The following MTHFD1L variants were observed in gnomAD, a reference collection of about 807,000 sequenced individuals.
MTHFD1L encodes the protein methylenetetrahydrofolate dehydrogenase (NADP+ dependent) 1 like, also known as monofunctional C1-tetrahydrofolate synthase, mitochondrial.
MTHFD1L carries 81 observed loss-of-function variants against 119.5 expected under a neutral mutation model. The observed-to-expected ratio is 0.68, with a 90% confidence interval of 0.57 to 0.82. The LOEUF (loss-of-function observed/expected upper bound fraction) is 0.82. MTHFD1L is among the 40% of genes least tolerant of loss of function. The probability of loss-of-function intolerance (pLI) is 0.00; values close to 1 mark genes in which losing one functional copy is unlikely to be tolerated. For synonymous variants in MTHFD1L, 430 were observed against 475.2 expected, an observed-to-expected ratio of 0.90 and a Z score of 1.24; for missense variants, 1,125 against 1,253.4, an observed-to-expected ratio of 0.90 and a Z score of 1.55.
chr6:150,932,005 T>G (rs1791121652), intron 11 of MTHFD1L, among the ~76,000 whole-genome samples: 1 of 151,294 alleles, frequency 6.6e-6, no homozygotes, highest in African/African-American at 2.4e-5. Flanking sequence ...CTATTAAAAA[T>G]ACAAAAATTA....
At chr6:151,013,700 T>G in intron 21 of MTHFD1L, 79 bp from the exon 22 acceptor site, 1 of 1,280,162 alleles carries the variant, frequency 7.8e-7, no homozygotes, top group Non-Finnish European at 1.1e-6. Flanking sequence ...TTGAATGTGA[T>G]TATGTTGTTC....
At chr6:150,911,203 G>A (rs1436045412) in intron 8 of MTHFD1L, among the ~76,000 whole-genome samples, 5 of 152,112 alleles carry the variant, frequency 3.3e-5, no homozygotes, top group African/African-American at 4.8e-5. Context: ...ATGCAGCACT[G>A]TATAAATTTC....
At chr6:151,084,275 G>A (rs377046443) in intron 26 of MTHFD1L, among the ~76,000 whole-genome samples, 3 of 152,294 alleles carry the variant, frequency 2.0e-5, no homozygotes, top group South Asian at 4.1e-4. Flanking sequence ...TATTTGGCCC[G>A]GAACTGCTCA....
At chr6:150,966,561 G>A (rs573751448) in intron 19 of MTHFD1L, among the ~76,000 whole-genome samples, 20 of 152,272 alleles carry the variant, frequency 1.3e-4, no homozygotes, top group Non-Finnish European at 2.6e-4. Context: ...GGTGGCTCAA[G>A]CCTGTAATCC....
At chr6:150,883,310 C>T (rs924388213) in intron 5 of MTHFD1L, among the ~76,000 whole-genome samples, 34 of 152,294 alleles carry the variant, frequency 2.2e-4, no homozygotes, top group African/African-American at 7.7e-4. Flanking sequence ...GGATTACAGG[C>T]GTGAGCCACC....
chr6:150,934,204 CATCT>C (rs1791658834), intron 11 of MTHFD1L, among the ~76,000 whole-genome samples: 1 of 152,220 alleles, frequency 6.6e-6, no homozygotes, highest in African/African-American at 2.4e-5. Flanking sequence ...TCAGTTTCCT[CATCT>C]ATCAAGTGAG....
intron 26 of MTHFD1L, among the ~76,000 whole-genome samples, chr6:151,070,854 A>G (rs374168643): frequency 2.4e-4 from 36 of 152,290 alleles, no homozygotes; most frequent in African/African-American, 6.7e-4. Flanking sequence ...ATTGGGAACT[A>G]TTTTCCCAGT....
chr6:150,976,496 G>A (rs4869707), intron 20 of MTHFD1L, among the ~76,000 whole-genome samples: 4,209 of 152,292 alleles, frequency 0.028, 206 homozygotes, highest in Admixed American at 0.14. Flanking sequence ...TTCTACAGAA[G>A]TTAAATAGAG....
At chr6:150,915,642 C>T (rs1313459393) in intron 8 of MTHFD1L, among the ~76,000 whole-genome samples, 3 of 151,796 alleles carry the variant, frequency 2.0e-5, no homozygotes, top group Non-Finnish European at 4.4e-5. Flanking sequence ...ACTCTGTTGC[C>T]CAGGGTGGAG....
rs531416537 is a variant in MTHFD1L at position 150,955,290 on chromosome 6, A to G, written c.1727-705A>G. Among the ~76,000 whole-genome samples, 5 of 152,122 alleles carry G rather than the reference A, an allele frequency of 3.3e-5. No individual in the cohort carries two copies. The South Asian group carries it at 1.0e-3, about 31-fold the overall frequency. The stretch of plus-strand genomic sequence containing the variant: ...ACTATGCACCATGTTTTCAACATCC[A>G]TTCATGTATCAACATGACCTTCTTT... On this transcript the variant is annotated intron_variant, in intron 16 of 27. Transcript: ENST00000367321.
At chr6:150,973,128 C>T (rs752655481) in intron 20 of MTHFD1L, among the ~76,000 whole-genome samples, 3 of 152,230 alleles carry the variant, frequency 2.0e-5, no homozygotes, top group Non-Finnish European at 4.4e-5. Context: ...TACCTATAAT[C>T]GGAGACAGCA....
chr6:150,953,261 G>C (rs1795107447), intron 16 of MTHFD1L, among the ~76,000 whole-genome samples: 1 of 152,198 alleles, frequency 6.6e-6, no homozygotes, highest in Non-Finnish European at 1.5e-5. Context: ...CAGCCATTAG[G>C]CATACTGTGG....
At chr6:150,949,008 C>A in intron 15 of MTHFD1L, 23 bp from the exon 16 acceptor site, 1 of 1,588,172 alleles carries the variant, frequency 6.3e-7, no homozygotes, top group East Asian at 2.2e-5. Context: ...AAACTTCTCA[C>A]CTTTTTTCTT....
At chr6:151,098,525 C>T (rs1328266991) in intron 27 of MTHFD1L, among the ~76,000 whole-genome samples, 1 of 152,196 alleles carries the variant, frequency 6.6e-6, no homozygotes. Flanking sequence ...CAGCTTTATA[C>T]TTAAATAATC....
chr6:150,943,969 G>A (rs1793552146), intron 13 of MTHFD1L, among the ~76,000 whole-genome samples: 2 of 152,110 alleles, frequency 1.3e-5, no homozygotes, highest in Admixed American at 1.3e-4. Context: ...TAAACGTAGT[G>A]AGTGACTATA....
At chr6:150,945,731 C>T (rs1793821333) in intron 15 of MTHFD1L, among the ~76,000 whole-genome samples, 190 bp downstream of exon 15, 1 of 152,104 alleles carries the variant, frequency 6.6e-6, no homozygotes. Flanking sequence ...CCTGGTTCTA[C>T]ACGAAAGAGC....
chr6:150,969,926 A>T (rs754204478), intron 19 of MTHFD1L, among the ~76,000 whole-genome samples: 1 of 152,236 alleles, frequency 6.6e-6, no homozygotes, highest in African/African-American at 2.4e-5. Context: ...AAAACACTGC[A>T]TTCACTTAAA....
chr6:151,012,672 A>G (rs1282446739), intron 21 of MTHFD1L, among the ~76,000 whole-genome samples: 4 of 152,184 alleles, frequency 2.6e-5, no homozygotes, highest in Non-Finnish European at 4.4e-5. Flanking sequence ...TAAACTAACC[A>G]TTGTATGAAT....
Position 150,926,374 on chromosome 6 carries a change from C to G in MTHFD1L, c.1256+79C>G, listed in dbSNP as rs1239690449. The G allele has an allele frequency of 8.0e-7, 1 of 1,246,606 alleles. No individual in the cohort carries two copies. Among genetic ancestry groups the G allele is most frequent in the African/African-American group, 1.5e-5 (1 of 66,544 alleles). The allele number at this position is 1,246,606 out of a possible 1,614,324, so 77.2% of individuals were successfully genotyped here. A position where few individuals can be genotyped will look rare whatever the true frequency, so the allele number is the denominator to read the frequency against. On this transcript the variant is annotated intron_variant, in intron 11 of 27. Transcript: ENST00000367321. The surrounding 1 kb of genome is among the most constrained non-coding windows in gnomAD (Gnocchi z 4.3). ...TCCCTATTTATCTCTCTCCTCGTAC[C>G]CCTCAATCCATCCTATTCTCACATT...
Sources: gnomAD v4.1 joint callset for allele counts (sites outside exome capture counted in the v4.1 genomes callset) on GRCh38, gnomAD v4.1.1 for gene constraint, Gnocchi (gnomAD v3.1) non-coding constraint, MANE v1.5 for transcripts, NCBI Gene and HGNC (gene_info 2026-07-23, HGNC 2026-07-21) for gene names.